Variants in GFRA2 observed in about 807,000 individuals in gnomAD.
The protein encoded by GFRA2 is GDNF family receptor alpha 2.
Under a neutral mutation model 48.3 loss-of-function variants are expected in GFRA2, and 17 were observed. The ratio of observed to expected loss-of-function variants is 0.35; its 90% CI spans 0.24 to 0.53. GFRA2 has a LOEUF of 0.53. GFRA2 is among the 20% of genes least tolerant of loss of function. The pLI is 0.93. For synonymous variants in GFRA2, 305 were observed against 257.2 expected, an observed-to-expected ratio of 1.19 and a Z score of -1.78; for missense variants, 660 against 637.3, an observed-to-expected ratio of 1.04 and a Z score of -0.38.
chr8:21,741,342 C>A (rs1185906965), intron 4 of GFRA2, among the ~76,000 whole-genome samples: 1 of 152,202 alleles, frequency 6.6e-6, no homozygotes, highest in Admixed American at 6.5e-5. Context: ...CTTGGTCTGA[C>A]ACCAGGCTCC....
intron 4 of GFRA2, among the ~76,000 whole-genome samples, chr8:21,732,770 T>C (rs753918357): frequency 2.0e-5 from 3 of 152,208 alleles, no homozygotes; most frequent in African/African-American, 7.2e-5. Flanking sequence ...CCCTAGAGTA[T>C]TGTGGAGCTA....
chr8:21,708,345 C>A (rs905908043), intron 4 of GFRA2, among the ~76,000 whole-genome samples: 4 of 152,200 alleles, frequency 2.6e-5, no homozygotes, highest in African/African-American at 9.6e-5. Context: ...ATCCATCCCC[C>A]TCCGCAGCCA....
chr8:21,772,616 C>T (rs1806489634), intron 3 of GFRA2, among the ~76,000 whole-genome samples: 1 of 152,190 alleles, frequency 6.6e-6, no homozygotes, highest in South Asian at 2.1e-4. Flanking sequence ...GAGGGACCGG[C>T]ACAGTCCCCA....
chr8:21,691,495 T>G lies in GFRA2; in HGVS notation c.*1783A>C, dbSNP rs888079773. The G allele has an allele frequency of 6.6e-6, 1 of 152,194 alleles. No homozygotes were observed. Among genetic ancestry groups the G allele is most frequent in the Non-Finnish European group, 1.5e-5 (1 of 68,072 alleles). The allele number at this position is 152,194 out of a possible 1,614,324, so 9.4% of individuals were successfully genotyped here. ...GCTTTCAGACCATGACCCCAGAACA[T>G]GCACAGTCATGTCCTTCTTCTCTGG... On this transcript the variant is annotated 3_prime_UTR_variant, in exon 9 of 9. Coordinates refer to ENST00000524240, the MANE Select transcript of GFRA2 (RefSeq NM_001495.5).
chr8:21,782,553 C>G lies in GFRA2; in HGVS notation c.355+32G>C. The G allele has an allele frequency of 2.6e-6, 4 of 1,509,960 alleles. 1 individual carries two copies. The South Asian group carries it at 4.9e-5, about 18-fold the overall frequency. The allele number at this position is 1,509,960 out of a possible 1,614,324, so 93.5% of individuals were successfully genotyped here. On this transcript the variant is annotated intron_variant, in intron 2 of 8. Transcript: ENST00000524240. ...CGTCCTCTCTGCCTGCGCCACACCCCCTCCCCTTGGGCAAGCCCCGCCCAG... is the reference window on the plus strand; with the variant it reads ...CGTCCTCTCTGCCTGCGCCACACCCGCTCCCCTTGGGCAAGCCCCGCCCAG...
intron 2 of GFRA2, among the ~76,000 whole-genome samples, chr8:21,802,394 G>A (rs923222805): frequency 1.3e-5 from 2 of 152,118 alleles, no homozygotes; most frequent in Non-Finnish European, 2.9e-5. Flanking sequence ...TCATTCTGTT[G>A]TCCAGGCTGG....
chr8:21,789,092 CAA>C, upstream of GFRA2: 1 of 162,152 alleles, frequency 6.2e-6, no homozygotes, highest in Non-Finnish European at 1.3e-5. Flanking sequence ...GCGGCGGCGA[CAA>C]GGCGAAGGCG....
At chr8:21,741,271 C>T (rs1359959721) in intron 4 of GFRA2, among the ~76,000 whole-genome samples, 2 of 152,168 alleles carry the variant, frequency 1.3e-5, no homozygotes, top group Non-Finnish European at 2.9e-5. Flanking sequence ...CACCTTTCCC[C>T]CCTTTCCCTC....
In GFRA2 at chr8:21,777,796, T is replaced by A. The variant is rs923767624; in HGVS notation, c.356-2741A>T. The stretch of plus-strand genomic sequence containing the variant: ...AAGGAGTCGGGGCCCTGGGACCCAC[T>A]CTGGGTCCTGCCACGAGCTTGCTGT... On this transcript the variant is annotated intron_variant, in intron 2 of 8. Coordinates refer to ENST00000524240, the MANE Select transcript of GFRA2 (RefSeq NM_001495.5). 3.9e-5 allele frequency among the ~76,000 whole-genome samples: 6 copies of A among 152,258 alleles called. No individual in the cohort carries two copies. The East Asian group carries it at 1.2e-3, about 29-fold the overall frequency.
At chr8:21,778,596 A>T (rs954758444) in intron 2 of GFRA2, among the ~76,000 whole-genome samples, 4 of 152,180 alleles carry the variant, frequency 2.6e-5, no homozygotes, top group Non-Finnish European at 4.4e-5. Flanking sequence ...CCATCTCAAG[A>T]CTTAGAACCA....
At chr8:21,766,025 C>T (rs1329587956) in intron 3 of GFRA2, among the ~76,000 whole-genome samples, 1 of 152,154 alleles carries the variant, frequency 6.6e-6, no homozygotes, top group East Asian at 1.9e-4. Context: ...CAAGAGTCAT[C>T]TTTTCAAACA....
intron 3 of GFRA2, among the ~76,000 whole-genome samples, chr8:21,764,754 A>G (rs1486912118): frequency 6.6e-6 from 1 of 152,214 alleles, no homozygotes; most frequent in Non-Finnish European, 1.5e-5. Context: ...ACCTTTCCCA[A>G]CAGGTACAAA....
intron 1 of GFRA2, among the ~76,000 whole-genome samples, chr8:21,807,297 T>TG (rs1385631887): frequency 2.6e-5 from 4 of 152,198 alleles, no homozygotes; most frequent in Non-Finnish European, 4.4e-5. Flanking sequence ...CTTGCTGTCT[T>TG]GCTCACTCTC....
intron 2 of GFRA2, among the ~76,000 whole-genome samples, chr8:21,793,875 T>TTA (rs1807622679): frequency 6.6e-6 from 1 of 151,602 alleles, no homozygotes; most frequent in Non-Finnish European, 1.5e-5. Flanking sequence ...AGTTTTTTTT[T>TTA]TTTTTTTTGA....
chr8:21,712,897 C>G (rs1177380930), intron 4 of GFRA2, among the ~76,000 whole-genome samples: 1 of 152,132 alleles, frequency 6.6e-6, no homozygotes. Flanking sequence ...ATCGCAGGCA[C>G]TCGGCAGGCT....
At chr8:21,764,164 A>T (rs1396728096) in intron 3 of GFRA2, among the ~76,000 whole-genome samples, 2 of 152,136 alleles carry the variant, frequency 1.3e-5, no homozygotes, top group African/African-American at 2.4e-5. Flanking sequence ...CGTATAAATA[A>T]ATCACAGAAA....
chr8:21,806,536 G>C (rs959486321), intron 1 of GFRA2, among the ~76,000 whole-genome samples: 1 of 152,168 alleles, frequency 6.6e-6, no homozygotes. Flanking sequence ...CACGATCATA[G>C]CTCACCGCAG....
Position 21,775,989 on chromosome 8 carries a change from CTGTGTGTGTGTG to C in GFRA2, c.356-946_356-935del, listed in dbSNP as rs200687629. Among the ~76,000 whole-genome samples, 855 of 126,470 alleles carry C rather than the reference CTGTGTGTGTGTG, an allele frequency of 6.8e-3. 9 individuals are homozygous for C. The highest frequency in any genetic ancestry group is 0.018 in the South Asian group (63 of 3,536). The allele number at this position is 126,470 out of a possible 152,430, so 83.0% of individuals were successfully genotyped here. A position where few individuals can be genotyped will look rare whatever the true frequency, so the allele number is the denominator to read the frequency against. ...AAATTGATGGCTCACCACTCATCCT[CTGTGTGTGTGTG>C]TGTGTGTGTGTGTGTGTGTGTGTGT... On this transcript the variant is annotated intron_variant, in intron 2 of 8. Coordinates refer to ENST00000524240, the MANE Select transcript of GFRA2 (RefSeq NM_001495.5).
chr8:21,801,005 G>A (rs1251567761), intron 2 of GFRA2, among the ~76,000 whole-genome samples: 1 of 151,886 alleles, frequency 6.6e-6, no homozygotes, highest in Non-Finnish European at 1.5e-5. Context: ...ACTTCCCTAA[G>A]GAGAACAGGG....
Sources: gnomAD v4.1 joint callset for allele counts (sites outside exome capture counted in the v4.1 genomes callset) on GRCh38, gnomAD v4.1.1 for gene constraint, MANE v1.5 for transcripts, NCBI Gene and HGNC (gene_info 2026-07-23, HGNC 2026-07-21) for gene names.